Variants in ANKS1A observed in about 807,000 individuals in gnomAD.
ANKS1A encodes ankyrin repeat and SAM domain-containing protein 1A.
In ANKS1A, 55 loss-of-function variants were observed where a neutral mutation model predicts 120.3. The observed-to-expected ratio is 0.46, with a 90% CI of 0.37 to 0.57. The LOEUF (loss-of-function observed/expected upper bound fraction) is 0.57. ANKS1A is among the 20% of genes least tolerant of loss of function. The pLI, the probability that ANKS1A is intolerant of heterozygous loss-of-function variation, is 0.00. For synonymous variants in ANKS1A, 590 were observed against 604.7 expected, an observed-to-expected ratio of 0.98 and a Z score of 0.36; for missense variants, 1,123 against 1,480.3, an observed-to-expected ratio of 0.76 and a Z score of 3.96.
chr6:34,909,099 G>A (rs958001794), intron 1 of ANKS1A, among the ~76,000 whole-genome samples: 1 of 152,132 alleles, frequency 6.6e-6, no homozygotes. Flanking sequence ...CGTCCTTGAG[G>A]TTATCACTGT....
intron 11 of ANKS1A, among the ~76,000 whole-genome samples, chr6:35,036,737 G>C (rs1340229064): frequency 4.6e-5 from 7 of 152,246 alleles, no homozygotes; most frequent in African/African-American, 1.7e-4. Context: ...TAAGTGGAAA[G>C]TTTAACCCTG....
intron 10 of ANKS1A, chr6:35,010,046 G>T (rs1287463795): frequency 5.3e-6 from 1 of 188,300 alleles, no homozygotes; most frequent in Admixed American, 6.1e-5. Context: ...AAATTAGCTG[G>T]GTGTGGTGGT....
rs1194272285 is a variant in ANKS1A at position 35,086,301 on chromosome 6, ACT to A, written c.3303+366_3303+367del. 1 of 1,311,690 alleles carries A rather than the reference ACT, an allele frequency of 7.6e-7. No homozygotes were observed. Among genetic ancestry groups the A allele is most frequent in the Admixed American group, 2.3e-5 (1 of 44,138 alleles). 81.3% of individuals were successfully genotyped at this position (1,311,690 alleles called of 1,614,324 possible). On this transcript the variant is annotated intron_variant, in intron 22 of 23. Transcript: ENST00000360359. The surrounding 1 kb of genome is among the most constrained non-coding windows in gnomAD (Gnocchi z 5.1). The stretch of plus-strand genomic sequence containing the variant: ...CTGCCCCCCGATAGTCGCTGTTGTT[ACT>A]GTCACACCTGCACCACCCACCGTCC...
chr6:34,963,750 G>A (rs1044569986), intron 1 of ANKS1A, among the ~76,000 whole-genome samples: 2 of 152,186 alleles, frequency 1.3e-5, no homozygotes, highest in African/African-American at 4.8e-5. Flanking sequence ...TGTGCAAGGT[G>A]CTCTTTTCTC....
intron 11 of ANKS1A, among the ~76,000 whole-genome samples, chr6:35,041,809 C>G (rs922709587): frequency 6.6e-6 from 1 of 152,182 alleles, no homozygotes; most frequent in Non-Finnish European, 1.5e-5. Flanking sequence ...CTGTGGCCTC[C>G]CATTTTCCTG....
chr6:34,951,811 ATGGAAGTC>A (rs1770105379), intron 1 of ANKS1A, among the ~76,000 whole-genome samples: 1 of 152,222 alleles, frequency 6.6e-6, no homozygotes, highest in Non-Finnish European at 1.5e-5. Context: ...GGAAATGTTA[ATGGAAGTC>A]TCTCAGTTAA....
intron 11 of ANKS1A, among the ~76,000 whole-genome samples, chr6:35,032,347 C>T (rs1410668631): frequency 6.6e-6 from 1 of 152,200 alleles, no homozygotes; most frequent in African/African-American, 2.4e-5. Flanking sequence ...TGCCCCCTTG[C>T]ACTTTGAGCT....
intron 11 of ANKS1A, among the ~76,000 whole-genome samples, chr6:35,052,498 C>A (rs190629580): frequency 1.3e-5 from 2 of 149,532 alleles, no homozygotes; most frequent in East Asian, 4.0e-4. Context: ...GTGGCACCTA[C>A]CTGTCGTCGT....
intron 13 of ANKS1A, among the ~76,000 whole-genome samples, chr6:35,064,521 A>G (rs1487872852): frequency 6.6e-6 from 1 of 152,224 alleles, no homozygotes; most frequent in East Asian, 1.9e-4. Flanking sequence ...GCTGGGGCCA[A>G]GAGGTTCTTC....
chr6:35,043,430 G>T (rs1329660989), intron 11 of ANKS1A, among the ~76,000 whole-genome samples: 2 of 152,250 alleles, frequency 1.3e-5, no homozygotes, highest in Non-Finnish European at 2.9e-5. Context: ...TTACCAGCCT[G>T]CAGGGGAGAG....
intron 1 of ANKS1A, among the ~76,000 whole-genome samples, chr6:34,938,543 C>T (rs1769369109): frequency 6.6e-6 from 1 of 152,226 alleles, no homozygotes; most frequent in Non-Finnish European, 1.5e-5. Context: ...TTCTTCCATC[C>T]CTCCCCCAAG....
In ANKS1A at chr6:35,090,133, T is replaced by C; in HGVS notation, c.*1524T>C. The C allele has an allele frequency of 1.6e-6, 2 of 1,289,422 alleles. No homozygotes were observed. The highest frequency in any genetic ancestry group is 4.6e-5 in the Admixed American group (2 of 43,574). The allele number at this position is 1,289,422 out of a possible 1,614,324, so 79.9% of individuals were successfully genotyped here. ...AGCAGGTTGGGGCCTGGGACTCAGC[T>C]CTCTCTGCGGTAGAGGCAGGCCCTC... On this transcript the variant is annotated 3_prime_UTR_variant, in exon 24 of 24. Transcript: ENST00000360359.
At position 35,086,428 on chromosome 6, in the gene ANKS1A, T is replaced by G; in HGVS notation, c.3303+492T>G. 174 of 1,135,032 alleles carry G rather than the reference T, an allele frequency of 1.5e-4. No homozygotes were observed. Among genetic ancestry groups the G allele is most frequent in the Middle Eastern group, 2.3e-4 (1 of 4,374 alleles). The allele number at this position is 1,135,032 out of a possible 1,614,324, so 70.3% of individuals were successfully genotyped here. A position where few individuals can be genotyped will look rare whatever the true frequency, so the allele number is the denominator to read the frequency against. ...TCCCCGAAGTGACCGTGAGCGCTCT[T>G]AGCCTCTGGCGGCCTCTCCCTCTGC... On this transcript the variant is annotated intron_variant, in intron 22 of 23. Coordinates refer to ENST00000360359, the MANE Select transcript of ANKS1A (RefSeq NM_015245.3). The surrounding 1 kb of genome is among the most constrained non-coding windows in gnomAD (Gnocchi z 5.1).
chr6:35,025,666 T>C (rs977884079), intron 11 of ANKS1A, among the ~76,000 whole-genome samples: 1 of 152,224 alleles, frequency 6.6e-6, no homozygotes, highest in African/African-American at 2.4e-5. Flanking sequence ...TGTCTTTTTT[T>C]CTTCCTCCCT....
At chr6:35,020,107 A>C (rs1774254524) in intron 11 of ANKS1A, among the ~76,000 whole-genome samples, 1 of 152,008 alleles carries the variant, frequency 6.6e-6, no homozygotes, top group African/African-American at 2.4e-5. Context: ...GTAGAAAGCG[A>C]GATTTGCACC....
chr6:34,934,309 G>A (rs1028869376), intron 1 of ANKS1A, among the ~76,000 whole-genome samples: 2 of 151,764 alleles, frequency 1.3e-5, no homozygotes, highest in Non-Finnish European at 2.9e-5. Flanking sequence ...CACCATGCCC[G>A]GCTAATTTTT....
chr6:35,081,707 G>C (rs1419688742), intron 17 of ANKS1A, among the ~76,000 whole-genome samples: 1 of 152,178 alleles, frequency 6.6e-6, no homozygotes, highest in African/African-American at 2.4e-5. Context: ...CGCCTCCTCC[G>C]CTCCCGGTGC....
chr6:35,037,515 A>C (rs1214352881), intron 11 of ANKS1A, among the ~76,000 whole-genome samples: 1 of 152,186 alleles, frequency 6.6e-6, no homozygotes, highest in Non-Finnish European at 1.5e-5. Context: ...AGGATTTGTT[A>C]CCCAGCAGGT....
At chr6:35,053,995 T>C (rs764682925) in intron 11 of ANKS1A, 104 bp from the exon 12 acceptor site, 23 of 890,246 alleles carry the variant, frequency 2.6e-5, no homozygotes, top group Non-Finnish European at 4.1e-5. Context: ...CTGGGAAGCA[T>C]CTGAAAGAGA....
Sources: gnomAD v4.1 joint callset for allele counts (sites outside exome capture counted in the v4.1 genomes callset) on GRCh38, gnomAD v4.1.1 for gene constraint, Gnocchi (gnomAD v3.1) non-coding constraint, MANE v1.5 for transcripts, NCBI Gene and HGNC (gene_info 2026-07-23, HGNC 2026-07-21) for gene names.